SH3BGRL: variants seen among roughly 807,000 people sequenced by gnomAD.
The protein encoded by SH3BGRL is SH3 domain binding glutamate rich protein like, also known as adapter SH3BGRL.
A neutral mutation model predicts 9.8 loss-of-function variants in SH3BGRL; 7 were observed. The observed-to-expected ratio is 0.72, with a 90% CI of 0.41 to 1.35. The LOEUF is 1.35. SH3BGRL is among the 40% of genes most tolerant of loss of function. SH3BGRL has a pLI of 0.01. For missense variants in SH3BGRL, 73 were observed against 84.4 expected, an observed-to-expected ratio of 0.86 and a Z score of 0.53; for synonymous variants, 36 against 29.1, an observed-to-expected ratio of 1.24 and a Z score of -0.76.
intron 1 of SH3BGRL, among the ~76,000 whole-genome samples, chrX:81,269,632 C>T (rs764263543): frequency 3.8e-4 from 42 of 111,408 alleles, no homozygotes; most frequent in African/African-American, 1.3e-3. Context: ...CGACCTTTCT[C>T]CCTGGCTGCC....
intron 1 of SH3BGRL, among the ~76,000 whole-genome samples, chrX:81,213,112 A>G (rs1055211374): frequency 8.9e-6 from 1 of 112,409 alleles, no homozygotes; most frequent in Non-Finnish European, 1.9e-5. Flanking sequence ...AAAAAATGAG[A>G]TTCTGTCTTG....
chrX:81,253,584 C>T (rs897350737), intron 1 of SH3BGRL, among the ~76,000 whole-genome samples: 1 of 111,622 alleles, frequency 9.0e-6, no homozygotes, highest in Admixed American at 9.5e-5. Context: ...ACTTAACACC[C>T]ACAATTTTCT....
At position 81,270,016 on chromosome X, in the gene SH3BGRL, T is replaced by C. The variant is rs1040309711; in HGVS notation, c.46-6968T>C. Among the ~76,000 whole-genome samples the C allele has an allele frequency of 2.7e-5, 3 of 110,495 alleles. No homozygotes were observed. The Admixed American group carries it at 2.9e-4, about 11-fold the overall frequency. On this transcript the variant is annotated intron_variant, in intron 1 of 3. Coordinates refer to ENST00000373212, the MANE Select transcript of SH3BGRL (RefSeq NM_003022.3). ...TCCTTCTGCTTGATTGAATGAGCCA[T>C]TGAAGCTTGTGTATGCTTCACGAAG...
intron 1 of SH3BGRL, among the ~76,000 whole-genome samples, chrX:81,248,558 C>T: frequency 8.9e-6 from 1 of 112,374 alleles, no homozygotes; most frequent in Non-Finnish European, 1.9e-5. Flanking sequence ...TGCTGAGGCA[C>T]TTTTCACAGT....
At position 81,297,541 on chromosome X, in the gene SH3BGRL, A is replaced by T. The variant is rs1479311354; in HGVS notation, c.*314A>T. 6 of 152,431 alleles carry T rather than the reference A, an allele frequency of 3.9e-5. No homozygotes were observed. Among genetic ancestry groups the T allele is most frequent in the Admixed American group, 8.4e-5 (1 of 11,949 alleles). The allele number at this position is 152,431 out of a possible 1,213,427, so 12.6% of individuals were successfully genotyped here. Reference sequence around the variant, plus strand: ...GAAAACACCCTTCCCTCCTTCTGCCATTACTATGGCAACTTAAGTGTATCT... The same window carrying T: ...GAAAACACCCTTCCCTCCTTCTGCCTTTACTATGGCAACTTAAGTGTATCT... On this transcript the variant is annotated 3_prime_UTR_variant, in exon 4 of 4. Transcript: ENST00000373212.
chrX:81,285,192 C>A (rs2075830528), intron 3 of SH3BGRL, among the ~76,000 whole-genome samples: 1 of 111,281 alleles, frequency 9.0e-6, no homozygotes, highest in African/African-American at 3.3e-5. Flanking sequence ...CAACAAAGAA[C>A]CAGATGAACA....
At chrX:81,264,405 C>T (rs983622665) in intron 1 of SH3BGRL, among the ~76,000 whole-genome samples, 1 of 111,429 alleles carries the variant, frequency 9.0e-6, no homozygotes. Flanking sequence ...TTTCCTTTGC[C>T]GTGAAATGGA....
intron 1 of SH3BGRL, among the ~76,000 whole-genome samples, chrX:81,209,292 G>A (rs1015559982): frequency 2.7e-5 from 3 of 111,330 alleles, no homozygotes; most frequent in African/African-American, 9.8e-5. Flanking sequence ...ACACGCGTGA[G>A]CCACCATGCT....
intron 1 of SH3BGRL, among the ~76,000 whole-genome samples, chrX:81,254,891 GT>G (rs762259496): frequency 0.027 from 2,633 of 96,382 alleles, 40 homozygotes; most frequent in African/African-American, 0.057. Flanking sequence ...TCTTTCTTAA[GT>G]TTTTTTTTTT....
intron 1 of SH3BGRL, among the ~76,000 whole-genome samples, chrX:81,264,195 C>T (rs774768829): frequency 9.0e-6 from 1 of 111,238 alleles, no homozygotes; most frequent in East Asian, 2.9e-4. Flanking sequence ...AAGGAACTCG[C>T]TCATATGTCA....
At chrX:81,220,592 GT>G (rs200696883) in intron 1 of SH3BGRL, among the ~76,000 whole-genome samples, 23 of 101,862 alleles carry the variant, frequency 2.3e-4, no homozygotes, top group East Asian at 2.2e-3. Flanking sequence ...CTTTTTTAGT[GT>G]TTTTTTTTCA....
At chrX:81,259,446 T>G (rs1326399791) in intron 1 of SH3BGRL, among the ~76,000 whole-genome samples, 1 of 111,931 alleles carries the variant, frequency 8.9e-6, no homozygotes, top group Non-Finnish European at 1.9e-5. Context: ...AAAGTTCCCC[T>G]AGAGAGAATT....
chrX:81,222,526 T>C (rs1432538434), intron 1 of SH3BGRL, among the ~76,000 whole-genome samples: 1 of 110,968 alleles, frequency 9.0e-6, no homozygotes, highest in African/African-American at 3.3e-5. Flanking sequence ...GACTGCATAG[T>C]ATTCCATGGT....
At chrX:81,254,237 C>T (rs2075718886) in intron 1 of SH3BGRL, among the ~76,000 whole-genome samples, 1 of 111,737 alleles carries the variant, frequency 8.9e-6, no homozygotes, top group Non-Finnish European at 1.9e-5. Flanking sequence ...TATTTTAGCA[C>T]CTTTTGTTTG....
chrX:81,248,650 G>A (rs771633418), intron 1 of SH3BGRL, among the ~76,000 whole-genome samples: 1 of 112,484 alleles, frequency 8.9e-6, no homozygotes, highest in African/African-American at 3.2e-5. Flanking sequence ...GCGTGGTTGT[G>A]CCACCAGGTT....
intron 1 of SH3BGRL, among the ~76,000 whole-genome samples, chrX:81,249,418 A>G (rs2075701998): frequency 8.9e-6 from 1 of 111,918 alleles, no homozygotes; most frequent in African/African-American, 3.3e-5. Context: ...TCTATTTTCA[A>G]CCTATCTTGC....
intron 3 of SH3BGRL, among the ~76,000 whole-genome samples, chrX:81,283,533 T>C (rs1259320814): frequency 8.9e-6 from 1 of 111,847 alleles, no homozygotes; most frequent in Non-Finnish European, 1.9e-5. Context: ...TCAATAAATG[T>C]GATGCACCAC....
At chrX:81,291,612 C>T (rs1398648362) in intron 3 of SH3BGRL, among the ~76,000 whole-genome samples, 2 of 111,966 alleles carry the variant, frequency 1.8e-5, no homozygotes, top group Non-Finnish European at 3.8e-5. Context: ...CTCTTCTCAA[C>T]AGTCTTCCAA....
intron 3 of SH3BGRL, among the ~76,000 whole-genome samples, chrX:81,283,427 C>G (rs1429615324): frequency 8.9e-6 from 1 of 111,755 alleles, no homozygotes; most frequent in Admixed American, 9.5e-5. Flanking sequence ...TAAGAGAATA[C>G]TAGTTAACTG....
Sources: gnomAD v4.1 joint callset for allele counts (sites outside exome capture counted in the v4.1 genomes callset) on GRCh38, gnomAD v4.1.1 for gene constraint, MANE v1.5 for transcripts, NCBI Gene and HGNC (gene_info 2026-07-23, HGNC 2026-07-21) for gene names.